The following KIAA1217 variants were observed in gnomAD, a reference collection of about 807,000 sequenced individuals.
KIAA1217 encodes KIAA1217, also known as sickle tail protein homolog.
Under a neutral mutation model 163.9 loss-of-function variants are expected in KIAA1217, and 88 were observed. The ratio of observed to expected loss-of-function variants is 0.54; its 90% CI spans 0.45 to 0.64. The LOEUF (loss-of-function observed/expected upper bound fraction) is 0.64, where lower values mean the gene tolerates loss of function less well. Among genes scored for constraint, KIAA1217 ranks in the 30% least tolerant of loss-of-function variants. The pLI is 0.00. For missense variants in KIAA1217, 2,372 were observed against 2,475.0 expected, an observed-to-expected ratio of 0.96 and a Z score of 0.88; for synonymous variants, 903 against 923.1, an observed-to-expected ratio of 0.98 and a Z score of 0.39.
intron 2 of KIAA1217, among the ~76,000 whole-genome samples, chr10:24,064,723 C>T (rs1295331674): frequency 6.6e-6 from 1 of 152,134 alleles, no homozygotes; most frequent in Non-Finnish European, 1.5e-5. Flanking sequence ...ATGGTACCAG[C>T]TCCTCCTTGT....
intron 2 of KIAA1217, among the ~76,000 whole-genome samples, chr10:24,185,977 A>G (rs2066410885): frequency 6.6e-6 from 1 of 151,796 alleles, no homozygotes; most frequent in Non-Finnish European, 1.5e-5. Context: ...AAAAAAAAAG[A>G]TTCTGCATTT....
At chr10:24,100,566 G>A (rs1207864487) in intron 2 of KIAA1217, among the ~76,000 whole-genome samples, 1 of 152,178 alleles carries the variant, frequency 6.6e-6, no homozygotes, top group Non-Finnish European at 1.5e-5. Flanking sequence ...TGTGTCTTAT[G>A]TAAGACAAGC....
chr10:23,774,406 G>A (rs1173899230), intron 1 of KIAA1217, among the ~76,000 whole-genome samples: 1 of 152,128 alleles, frequency 6.6e-6, no homozygotes, highest in East Asian at 1.9e-4. Flanking sequence ...TACTTCAGAG[G>A]GTGTCACTGT....
chr10:23,856,817 G>A (rs1421075231), intron 1 of KIAA1217, among the ~76,000 whole-genome samples: 1 of 152,262 alleles, frequency 6.6e-6, no homozygotes, highest in Non-Finnish European at 1.5e-5. Flanking sequence ...TGCCAGCCAT[G>A]TGCGGGATAT....
chr10:24,347,149 A>C (rs1429527791), intron 2 of KIAA1217, among the ~76,000 whole-genome samples: 1 of 152,184 alleles, frequency 6.6e-6, no homozygotes, highest in Non-Finnish European at 1.5e-5. Context: ...AAAAAAAGCC[A>C]AAAGATAAAG....
In KIAA1217 at chr10:24,055,707, AT is replaced by A. The variant is rs907589105; in HGVS notation, c.-171+48343del. ...TCAATTTCTGGCACAATGTAAAGTC[AT>A]TTTTTTTTTCCGATAAAACTTCTAT... On this transcript the variant is annotated intron_variant, in intron 2 of 18. Coordinates refer to the KIAA1217 transcript ENST00000376462. Among the ~76,000 whole-genome samples the A allele has an allele frequency of 3.6e-4, 54 of 149,030 alleles. 1 individual carries two copies. In the East Asian group the frequency reaches 5.5e-3, roughly 15 times the overall value.
intron 1 of KIAA1217, among the ~76,000 whole-genome samples, chr10:23,720,541 G>A (rs1225827400): frequency 3.9e-5 from 6 of 152,052 alleles, no homozygotes; most frequent in African/African-American, 1.4e-4. Flanking sequence ...TTTGGGAGTG[G>A]GTGGCATAAG....
chr10:24,140,522 T>C (rs1010773715), intron 2 of KIAA1217, among the ~76,000 whole-genome samples: 8 of 152,084 alleles, frequency 5.3e-5, no homozygotes, highest in African/African-American at 1.9e-4. Context: ...CCCAGACAGC[T>C]CCTAAGTGAC....
intron 2 of KIAA1217, among the ~76,000 whole-genome samples, chr10:24,310,671 C>CA (rs2042583191): frequency 6.6e-6 from 1 of 152,144 alleles, no homozygotes; most frequent in African/African-American, 2.4e-5. Context: ...GTGCCTCTAA[C>CA]ACTCAGTCCC....
At chr10:23,840,545 A>T (rs1454018828) in intron 1 of KIAA1217, among the ~76,000 whole-genome samples, 1 of 152,212 alleles carries the variant, frequency 6.6e-6, no homozygotes, top group Non-Finnish European at 1.5e-5. Context: ...CTTCAACTTA[A>T]TATGGAAGTC....
intron 1 of KIAA1217, among the ~76,000 whole-genome samples, chr10:23,988,640 G>A (rs1220975305): frequency 1.3e-5 from 2 of 152,040 alleles, no homozygotes; most frequent in Non-Finnish European, 2.9e-5. Context: ...CATAATATAG[G>A]CCTCATTGTT....
At chr10:24,212,855 C>T (rs1011266357) in intron 1 of KIAA1217, among the ~76,000 whole-genome samples, 8 of 152,194 alleles carry the variant, frequency 5.3e-5, no homozygotes, top group Non-Finnish European at 1.0e-4. Flanking sequence ...GGCAACCTAA[C>T]AGAGCACTCA....
At chr10:23,804,158 C>A (rs1836624144) in intron 1 of KIAA1217, among the ~76,000 whole-genome samples, 1 of 151,596 alleles carries the variant, frequency 6.6e-6, no homozygotes. Flanking sequence ...TCAACCAGCA[C>A]TTTTTTTTTC....
chr10:24,396,244 G>A (rs2055730988), intron 3 of KIAA1217, among the ~76,000 whole-genome samples: 1 of 152,120 alleles, frequency 6.6e-6, no homozygotes, highest in Non-Finnish European at 1.5e-5. Flanking sequence ...GGCTGTGGCA[G>A]GAGAATCACT....
At chr10:24,012,766 G>A (rs569726821) in intron 2 of KIAA1217, among the ~76,000 whole-genome samples, 1 of 152,144 alleles carries the variant, frequency 6.6e-6, no homozygotes, top group Non-Finnish European at 1.5e-5. Context: ...AGTCAAGGTT[G>A]TTTCTTAACA....
At chr10:23,974,601 C>T (rs993748470) in intron 1 of KIAA1217, among the ~76,000 whole-genome samples, 5 of 152,028 alleles carry the variant, frequency 3.3e-5, no homozygotes, top group African/African-American at 4.8e-5. Context: ...CCTGGGATCA[C>T]TATATTGCCC....
At chr10:24,310,690 G>T (rs2042585406) in intron 2 of KIAA1217, among the ~76,000 whole-genome samples, 1 of 152,140 alleles carries the variant, frequency 6.6e-6, no homozygotes, top group African/African-American at 2.4e-5. Context: ...CCTTTTCCAA[G>T]GCAGGGCACA....
intron 1 of KIAA1217, among the ~76,000 whole-genome samples, chr10:23,901,050 CTAA>C (rs1841933543): frequency 6.6e-6 from 1 of 152,008 alleles, no homozygotes; most frequent in Non-Finnish European, 1.5e-5. Context: ...CCATCTTGTT[CTAA>C]TGTTTTTATT....
intron 1 of KIAA1217, among the ~76,000 whole-genome samples, chr10:23,878,277 A>G (rs80199757): frequency 0.037 from 5,590 of 151,980 alleles, 353 homozygotes; most frequent in African/African-American, 0.12. Flanking sequence ...AATTTCTACT[A>G]TGAAGCCAGC....
Sources: gnomAD v4.1 joint callset for allele counts (sites outside exome capture counted in the v4.1 genomes callset) on GRCh38, gnomAD v4.1.1 for gene constraint, MANE v1.5 for transcripts, NCBI Gene and HGNC (gene_info 2026-07-23, HGNC 2026-07-21) for gene names.